PRKCZ: variants seen among roughly 807,000 people sequenced by gnomAD.
PRKCZ encodes protein kinase C zeta.
In PRKCZ, 33 loss-of-function variants were observed where a neutral mutation model predicts 79.5. The ratio of observed to expected loss-of-function variants is 0.41; its 90% CI spans 0.31 to 0.55. PRKCZ has a LOEUF of 0.55. PRKCZ is among the 20% of genes least tolerant of loss of function. PRKCZ has a pLI of 0.19. For missense variants in PRKCZ, 578 were observed against 813.5 expected (o/e 0.71, Z 3.52); for synonymous variants, 342 against 320.9 (o/e 1.07, Z -0.70).
intron 16 of PRKCZ, among the ~76,000 whole-genome samples, chr1:2,180,494 G>A (rs748389959): frequency 3.3e-5 from 5 of 151,604 alleles, no homozygotes; most frequent in South Asian, 2.1e-4. Context: ...CACAGACGAC[G>A]CGGACGCACA....
At chr1:2,059,412 A>C in intron 3 of PRKCZ, 129 bp from the exon 4 acceptor site, 1 of 1,117,496 alleles carries the variant, frequency 8.9e-7, no homozygotes, top group Non-Finnish European at 1.3e-6. Context: ...GCGGGCTCTC[A>C]TTGGCAGTGC....
chr1:2,068,349 G>T (rs907489881), intron 4 of PRKCZ, among the ~76,000 whole-genome samples: 3 of 152,256 alleles, frequency 2.0e-5, no homozygotes, highest in African/African-American at 4.8e-5. Context: ...GGTGTGGCCA[G>T]GGCTGGCTTT....
At chr1:2,060,972 C>T (rs1660620993) in intron 4 of PRKCZ, among the ~76,000 whole-genome samples, 2 of 152,226 alleles carry the variant, frequency 1.3e-5, no homozygotes, top group Non-Finnish European at 2.9e-5. Context: ...GGGCACGGTT[C>T]ACTGCGTTTT....
Position 2,149,029 on chromosome 1 carries a change from C to G in PRKCZ, c.687+105C>G. The G allele has an allele frequency of 7.8e-7, 1 of 1,286,704 alleles. No homozygotes were observed. Among genetic ancestry groups the G allele is most frequent in the Non-Finnish European group, 1.1e-6 (1 of 898,862 alleles). The allele number at this position is 1,286,704 out of a possible 1,614,324, so 79.7% of individuals were successfully genotyped here. On this transcript the variant is annotated intron_variant, in intron 8 of 17. Transcript: ENST00000378567. This position sits in a 1 kb window ranked among gnomAD's most constrained non-coding sequence, Gnocchi z 4.1. ...AATCTAGATGTGAAATAGACATGGT[C>G]CGGGGTGTTGCTAACTAATCTTCAC...
chr1:2,154,758 C>T (rs1027481007), intron 9 of PRKCZ, among the ~76,000 whole-genome samples: 1 of 152,210 alleles, frequency 6.6e-6, no homozygotes, highest in Admixed American at 6.5e-5. Context: ...TCGTCCAGCT[C>T]TACTTTCTGG....
intron 7 of PRKCZ, 84 bp from the exon 8 acceptor site, chr1:2,148,788 G>C: frequency 2.9e-6 from 4 of 1,377,388 alleles, no homozygotes; most frequent in Non-Finnish European, 4.1e-6. Context: ...ACCCTGCAGA[G>C]GAGCAAGGTC....
intron 4 of PRKCZ, among the ~76,000 whole-genome samples, chr1:2,063,425 G>C (rs919509821): frequency 2.0e-5 from 3 of 152,272 alleles, no homozygotes; most frequent in Non-Finnish European, 4.4e-5. Flanking sequence ...CGATTCTCCT[G>C]TCTCAGCCTC....
intron 4 of PRKCZ, among the ~76,000 whole-genome samples, chr1:2,093,429 G>A (rs1209954091): frequency 1.3e-5 from 2 of 152,112 alleles, no homozygotes; most frequent in African/African-American, 2.4e-5. Flanking sequence ...TGCTTCGTGC[G>A]GGGACTCTGG....
intron 4 of PRKCZ, among the ~76,000 whole-genome samples, chr1:2,076,724 A>G (rs1468766385): frequency 6.6e-6 from 1 of 151,242 alleles, no homozygotes; most frequent in Non-Finnish European, 1.5e-5. Context: ...CCTGGGCAAC[A>G]GAGCGAGACT....
intron 6 of PRKCZ, chr1:2,144,637 C>T: frequency 8.2e-7 from 1 of 1,212,792 alleles, no homozygotes; most frequent in Non-Finnish European, 1.0e-6. Flanking sequence ...TCATTCATAC[C>T]CCAGTCTTGA....
At chr1:2,179,846 CGGT>C (rs1296059057) in intron 16 of PRKCZ, among the ~76,000 whole-genome samples, 1 of 152,062 alleles carries the variant, frequency 6.6e-6, no homozygotes, top group Non-Finnish European at 1.5e-5. Flanking sequence ...CCTGGGAGCT[CGGT>C]GGGAGGAACC....
chr1:2,183,623 G>A (rs958581845), intron 16 of PRKCZ: 1 of 152,758 alleles, frequency 6.5e-6, no homozygotes, highest in Non-Finnish European at 1.5e-5. Flanking sequence ...CAGCTGTGGA[G>A]GTTGGGAGTC....
chr1:2,097,953 T>C (rs3128329), intron 4 of PRKCZ, among the ~76,000 whole-genome samples: 142,425 of 152,290 alleles, frequency 0.94, 66,753 homozygotes, highest in East Asian at 1. Flanking sequence ...AGGGTTGGAC[T>C]GCACAGTCTA....
chr1:2,058,969 T>C (rs1276784487), intron 3 of PRKCZ, among the ~76,000 whole-genome samples: 2 of 151,882 alleles, frequency 1.3e-5, no homozygotes, highest in Admixed American at 6.6e-5. Flanking sequence ...CACACACACA[T>C]AAAAAAGTAG....
At chr1:2,154,166 G>A (rs1393953313) in intron 9 of PRKCZ, among the ~76,000 whole-genome samples, 4 of 152,282 alleles carry the variant, frequency 2.6e-5, no homozygotes, top group South Asian at 4.2e-4. Flanking sequence ...AGGAGTCACC[G>A]CCGACCCACT....
At chr1:2,157,702 C>T (rs895876114) in intron 10 of PRKCZ, among the ~76,000 whole-genome samples, 8 of 149,806 alleles carry the variant, frequency 5.3e-5, no homozygotes, top group South Asian at 4.3e-4. Context: ...GACTGAGCCC[C>T]GCCTCCAGAG....
At chr1:2,081,426 C>T (rs1663492708) in intron 4 of PRKCZ, among the ~76,000 whole-genome samples, 3 of 152,156 alleles carry the variant, frequency 2.0e-5, no homozygotes, top group Non-Finnish European at 4.4e-5. Context: ...AAGCAGGTCC[C>T]AGGCCCAGAG....
At chr1:2,049,002 C>G (rs1659445589), upstream of PRKCZ, among the ~76,000 whole-genome samples, 1 of 152,098 alleles carries the variant, frequency 6.6e-6, no homozygotes, top group Non-Finnish European at 1.5e-5. Context: ...CCCGTCTCTA[C>G]TAAAAATACA....
At chr1:2,085,571 CG>C (rs1664347953) in intron 4 of PRKCZ, among the ~76,000 whole-genome samples, 2 of 152,330 alleles carry the variant, frequency 1.3e-5, no homozygotes, top group South Asian at 4.1e-4. Context: ...TGCAGCGCCA[CG>C]CTGGAGGGGC....
Sources: allele counts gnomAD v4.1 joint callset (sites outside exome capture counted in the v4.1 genomes callset), GRCh38; gene constraint gnomAD v4.1.1; non-coding constraint Gnocchi (gnomAD v3.1); transcripts MANE v1.5; gene names NCBI Gene and HGNC (gene_info 2026-07-23, HGNC 2026-07-21).